The following OCIAD1 variants were observed in gnomAD, a reference collection of about 807,000 sequenced individuals.
The protein encoded by OCIAD1 is OCIA domain-containing protein 1.
A neutral mutation model predicts 38.9 loss-of-function variants in OCIAD1; 29 were observed. The observed-to-expected ratio is 0.74, with a 90% CI of 0.55 to 1.02. The LOEUF (loss-of-function observed/expected upper bound fraction) is 1.02. Among genes scored for constraint, OCIAD1 ranks in the 50% least tolerant of loss-of-function variants. The probability of loss-of-function intolerance (pLI) is 0.00; values close to 1 mark genes in which losing one functional copy is unlikely to be tolerated. For synonymous variants in OCIAD1, 110 were observed against 92.0 expected (o/e 1.20, Z -1.12); for missense variants, 288 against 289.6 (o/e 0.99, Z 0.04).
intron 4 of OCIAD1, among the ~76,000 whole-genome samples, chr4:48,846,425 T>C (rs936717786): frequency 2.6e-5 from 4 of 152,276 alleles, no homozygotes; most frequent in Middle Eastern, 3.4e-3. Flanking sequence ...TTGTTAAATT[T>C]TCGGGAACTT....
At chr4:48,812,282 CAAAAAAAA>C (rs397881494) in intron 1 of OCIAD1, among the ~76,000 whole-genome samples, 7 of 25,074 alleles carry the variant, frequency 2.8e-4, no homozygotes, top group African/African-American at 7.9e-4. Flanking sequence ...GAGTTGGTCT[CAAAAAAAA>C]AAAAAAAAAA....
At chr4:48,808,188 C>T (rs1777047983) in intron 1 of OCIAD1, among the ~76,000 whole-genome samples, 1 of 152,116 alleles carries the variant, frequency 6.6e-6, no homozygotes, top group African/African-American at 2.4e-5. Flanking sequence ...ATGGGGCTAG[C>T]CAAGTACAGT....
chr4:48,849,987 T>C lies in OCIAD1; in HGVS notation c.282T>C (p.Tyr94=), dbSNP rs183993197. The part of the protein sequence containing the change: ...IMGYFAGKLS[Y]VKTCQEKFKK... ...GATACTTTGCTGGAAAACTTTCTTA[T>C]GTGAAAACTTGCCAAGAGAAATTCA... Residue 94 remains tyrosine, a synonymous_variant, in exon 6 of 9, where the codon TAT becomes TAC. Transcript: ENST00000264312. 1.9e-6 allele frequency: 3 copies of C among 1,613,036 alleles called. No individual in the cohort carries two copies. The highest frequency in any genetic ancestry group is 2.2e-5 in the East Asian group (1 of 44,834).
intron 1 of OCIAD1, among the ~76,000 whole-genome samples, chr4:48,813,241 C>A (rs560284161): frequency 2.0e-5 from 3 of 152,292 alleles, no homozygotes; most frequent in Admixed American, 2.0e-4. Flanking sequence ...GTCTGGTATA[C>A]GTGATACTGT....
chr4:48,845,709 C>G (rs945440468), intron 4 of OCIAD1, among the ~76,000 whole-genome samples: 1 of 152,190 alleles, frequency 6.6e-6, no homozygotes, highest in African/African-American at 2.4e-5. Context: ...TTCCACAAAA[C>G]CAATTCCTCC....
chr4:48,834,113 T>A (rs907738598), intron 3 of OCIAD1, among the ~76,000 whole-genome samples: 4 of 152,202 alleles, frequency 2.6e-5, no homozygotes, highest in African/African-American at 9.7e-5. Context: ...GAATTGGTAT[T>A]GCTTTACTTG....
At chr4:48,840,785 C>G (rs1188226651) in intron 3 of OCIAD1, among the ~76,000 whole-genome samples, 1 of 143,990 alleles carries the variant, frequency 6.9e-6, no homozygotes, top group African/African-American at 2.6e-5. Flanking sequence ...TTACTTGAAC[C>G]AAGGAGATCG....
chr4:48,858,190 A>G (rs1332318175), intron 8 of OCIAD1, among the ~76,000 whole-genome samples: 1 of 152,088 alleles, frequency 6.6e-6, no homozygotes, highest in Non-Finnish European at 1.5e-5. Context: ...AAAATAGTGA[A>G]GTCCAAATAG....
At chr4:48,827,777 G>A (rs1168847980), upstream of OCIAD1, among the ~76,000 whole-genome samples, 6 of 152,352 alleles carry the variant, frequency 3.9e-5, no homozygotes, top group East Asian at 5.8e-4. Flanking sequence ...GGCACGTGGC[G>A]TGGGACTGGC....
chr4:48,816,006 C>T (rs1412917638), intron 1 of OCIAD1, among the ~76,000 whole-genome samples: 1 of 152,164 alleles, frequency 6.6e-6, no homozygotes, highest in Non-Finnish European at 1.5e-5. Context: ...AATTCCATTG[C>T]CAATAATTTC....
intron 1 of OCIAD1, among the ~76,000 whole-genome samples, chr4:48,825,484 G>A (rs1441754520): frequency 2.0e-5 from 3 of 152,202 alleles, no homozygotes; most frequent in East Asian, 1.9e-4. Context: ...ATTTAGTATG[G>A]GAAAGAAGAG....
At chr4:48,840,834 A>C (rs957845565) in intron 3 of OCIAD1, among the ~76,000 whole-genome samples, 2 of 137,930 alleles carry the variant, frequency 1.5e-5, no homozygotes, top group African/African-American at 2.7e-5. Flanking sequence ...TCATCTCTAC[A>C]AAAAAAAAAA....
chr4:48,847,712 C>A (rs1779092902), intron 4 of OCIAD1, among the ~76,000 whole-genome samples: 1 of 151,738 alleles, frequency 6.6e-6, no homozygotes, highest in Admixed American at 6.6e-5. Flanking sequence ...TTTCTGGACT[C>A]TTAGTTTTGG....
At chr4:48,832,513 A>G in intron 1 of OCIAD1, 107 bp from the exon 2 acceptor site, 1 of 793,616 alleles carries the variant, frequency 1.3e-6, no homozygotes. Context: ...ATATTTGTTG[A>G]TTGATTGCTG....
chr4:48,848,475 T>A, intron 5 of OCIAD1, 29 bp downstream of exon 5: 2 of 1,168,074 alleles, frequency 1.7e-6, no homozygotes, highest in Non-Finnish European at 2.5e-6. Context: ...GTAGTTTTCA[T>A]AGCTTTTTAA....
At chr4:48,860,491 T>G (rs1394722987) in intron 8 of OCIAD1, among the ~76,000 whole-genome samples, 2 of 152,166 alleles carry the variant, frequency 1.3e-5, no homozygotes, top group Non-Finnish European at 2.9e-5. Flanking sequence ...GAATTGTGTT[T>G]AGAAGTTTGT....
At chr4:48,810,188 G>A (rs959307397) in intron 1 of OCIAD1, among the ~76,000 whole-genome samples, 4 of 151,816 alleles carry the variant, frequency 2.6e-5, no homozygotes, top group African/African-American at 7.3e-5. Context: ...TTAGGAACTC[G>A]GTGTGTGTGT....
chr4:48,848,669 A>T (rs1340129096), intron 5 of OCIAD1: 1 of 324,364 alleles, frequency 3.1e-6, no homozygotes, highest in Non-Finnish European at 5.5e-6. Flanking sequence ...TTATAATGTA[A>T]TAGAACAATT....
At chr4:48,812,321 A>G (rs1373160248) in intron 1 of OCIAD1, among the ~76,000 whole-genome samples, 1 of 149,120 alleles carries the variant, frequency 6.7e-6, no homozygotes, top group African/African-American at 2.5e-5. Flanking sequence ...AAAAAAGAAA[A>G]GAAAAAGAAA....
Sources: allele counts gnomAD v4.1 joint callset (sites outside exome capture counted in the v4.1 genomes callset), GRCh38; gene constraint gnomAD v4.1.1; transcripts MANE v1.5; gene names NCBI Gene and HGNC (gene_info 2026-07-23, HGNC 2026-07-21).